KCNJ12: variants seen among roughly 807,000 people sequenced by gnomAD.
The protein encoded by KCNJ12 is ATP-sensitive inward rectifier potassium channel 12.
KCNJ12 carries 2 observed loss-of-function variants against 22.3 expected under a neutral mutation model. That is an observed-to-expected ratio of 0.09 (90% confidence interval 0.04 to 0.28). KCNJ12 has a LOEUF of 0.28. KCNJ12 is among the 10% of genes least tolerant of loss of function. The pLI is 1.00. For synonymous variants in KCNJ12, 117 were observed against 261.4 expected (o/e 0.45, Z 5.33); for missense variants, 155 against 633.3 (o/e 0.24, Z 8.11).
At chr17:21,401,522 G>A (rs1453843930) in intron 1 of KCNJ12, among the ~76,000 whole-genome samples, 2 of 152,218 alleles carry the variant, frequency 1.3e-5, no homozygotes, top group African/African-American at 4.8e-5. Flanking sequence ...CCACCCTGCT[G>A]TGAGCAGTTC....
At chr17:21,412,527 G>C (rs1906419929) in intron 2 of KCNJ12, among the ~76,000 whole-genome samples, 2 of 152,426 alleles carry the variant, frequency 1.3e-5, no homozygotes, top group South Asian at 4.1e-4. Context: ...GCCCCTGTCA[G>C]CTGGTGGCCT....
chr17:21,408,797 G>T (rs1906137241), intron 2 of KCNJ12, among the ~76,000 whole-genome samples, 157 bp downstream of exon 2: 1 of 141,678 alleles, frequency 7.1e-6, no homozygotes, highest in South Asian at 2.2e-4. Flanking sequence ...ACCCACCCAT[G>T]CCTCCACCCC....
intron 2 of KCNJ12, among the ~76,000 whole-genome samples, chr17:21,413,317 G>A (rs1439292352): frequency 1.7e-4 from 18 of 106,166 alleles, no homozygotes; most frequent in African/African-American, 5.3e-4. Flanking sequence ...CCCCTCCCTG[G>A]AGGGCTTGAG....
chr17:21,417,033 A>G lies in KCNJ12; in HGVS notation c.*389A>G. ...TTGCTGGTTTTTAACTTGGGGAGAA[A>G]CACCGGGTTTCAGCTTTCTTGACCT... On this transcript the variant is annotated 3_prime_UTR_variant, in exon 3 of 3. Transcript: ENST00000583088. 1 of 317,320 alleles carries G rather than the reference A, an allele frequency of 3.2e-6. No homozygotes were observed. The highest frequency in any genetic ancestry group is 9.3e-4 in the Middle Eastern group (1 of 1,074). 19.7% of individuals were successfully genotyped at this position (317,320 alleles called of 1,614,324 possible).
intron 1 of KCNJ12, among the ~76,000 whole-genome samples, chr17:21,379,477 C>T (rs1904789393): frequency 6.6e-6 from 1 of 152,210 alleles, no homozygotes; most frequent in Non-Finnish European, 1.5e-5. Flanking sequence ...TGGCTGGGCC[C>T]TGGCCAGGGC....
intron 1 of KCNJ12, among the ~76,000 whole-genome samples, chr17:21,394,488 C>T (rs888201791): frequency 3.3e-5 from 5 of 152,194 alleles, no homozygotes; most frequent in Non-Finnish European, 5.9e-5. Flanking sequence ...CATCGTTAAT[C>T]GAGGCATGAC....
chr17:21,379,152 C>T (rs1904776311), intron 1 of KCNJ12, among the ~76,000 whole-genome samples: 1 of 152,218 alleles, frequency 6.6e-6, no homozygotes, highest in Non-Finnish European at 1.5e-5. Flanking sequence ...ACAGGAGTAA[C>T]AGCAGCAGCA....
In KCNJ12 at chr17:21,419,864, T is replaced by C. The variant is rs1907055193; in HGVS notation, c.*3220T>C. The C allele has an allele frequency of 6.0e-6, 1 of 167,418 alleles. No homozygotes were observed. The allele number at this position is 167,418 out of a possible 1,614,324, so 10.4% of individuals were successfully genotyped here. A position where few individuals can be genotyped will look rare whatever the true frequency, so the allele number is the denominator to read the frequency against. On this transcript the variant is annotated 3_prime_UTR_variant, in exon 3 of 3. Transcript: ENST00000583088. ...AGACCACATTAAATGCATTTTGATC[T>C]CTTTGAGGTCCCCTGTGTTGAGATG...
chr17:21,378,771 G>T (rs1439691108), intron 1 of KCNJ12, among the ~76,000 whole-genome samples: 1 of 152,038 alleles, frequency 6.6e-6, no homozygotes, highest in African/African-American at 2.4e-5. Context: ...CAGCACTGAA[G>T]GGGGTGGAGC....
intron 1 of KCNJ12, among the ~76,000 whole-genome samples, chr17:21,393,098 C>G (rs190424495): frequency 1.3e-5 from 2 of 152,138 alleles, no homozygotes; most frequent in African/African-American, 4.8e-5. Context: ...CCTGCACGGC[C>G]GTACCGGCTC....
intron 1 of KCNJ12, among the ~76,000 whole-genome samples, chr17:21,404,259 C>T (rs1905801769): frequency 1.3e-5 from 2 of 152,302 alleles, no homozygotes; most frequent in Non-Finnish European, 2.9e-5. Context: ...GACTGCAGGA[C>T]TCTGGTGCTC....
At chr17:21,398,328 C>T (rs1356354834) in intron 1 of KCNJ12, among the ~76,000 whole-genome samples, 1 of 152,208 alleles carries the variant, frequency 6.6e-6, no homozygotes, top group Non-Finnish European at 1.5e-5. Context: ...TTCTCTGGTA[C>T]CCGAGGCCCT....
intron 2 of KCNJ12, among the ~76,000 whole-genome samples, chr17:21,409,053 C>A (rs1158539634): frequency 2.6e-5 from 4 of 152,310 alleles, no homozygotes; most frequent in African/African-American, 9.6e-5. Flanking sequence ...AGTCCTTCAC[C>A]CTTCATCTGG....
At chr17:21,402,530 C>T (rs1325957480) in intron 1 of KCNJ12, among the ~76,000 whole-genome samples, 3 of 152,308 alleles carry the variant, frequency 2.0e-5, no homozygotes, top group Non-Finnish European at 2.9e-5. Context: ...TGGGGCAGAG[C>T]GATAGGCTTT....
chr17:21,382,387 G>A (rs1904898274), intron 1 of KCNJ12, among the ~76,000 whole-genome samples: 1 of 152,160 alleles, frequency 6.6e-6, no homozygotes, highest in Admixed American at 6.5e-5. Context: ...GAGGGGATGG[G>A]GCTGGCAGGG....
Position 21,416,705 on chromosome 17 carries a change from A to G in KCNJ12, c.*61A>G, listed in dbSNP as rs1211368322. On this transcript the variant is annotated 3_prime_UTR_variant, in exon 3 of 3. Transcript: ENST00000583088. ...CTGGGGAGAGGCCCCGCGGTCGCTC[A>G]GGGGCCCCGGGTTTGAGCAGAACGG... 9 of 1,497,332 alleles carry G rather than the reference A, an allele frequency of 6.0e-6. No homozygotes were observed. Among genetic ancestry groups the G allele is most frequent in the Non-Finnish European group, 7.1e-6 (8 of 1,125,528 alleles). 92.8% of individuals were successfully genotyped at this position (1,497,332 alleles called of 1,614,324 possible).
chr17:21,383,829 G>T (rs976149643), intron 1 of KCNJ12, among the ~76,000 whole-genome samples: 4 of 152,204 alleles, frequency 2.6e-5, no homozygotes, highest in Non-Finnish European at 4.4e-5. Flanking sequence ...TGCCCTGGGG[G>T]GCTGACATCT....
intron 2 of KCNJ12, among the ~76,000 whole-genome samples, chr17:21,409,087 C>T (rs1906161590): frequency 1.3e-5 from 2 of 152,304 alleles, no homozygotes; most frequent in African/African-American, 4.8e-5. Flanking sequence ...CCTGGGTGCC[C>T]CTCTTTGCTA....
chr17:21,382,955 G>T (rs1555558170), intron 1 of KCNJ12, among the ~76,000 whole-genome samples: 1 of 152,252 alleles, frequency 6.6e-6, no homozygotes, highest in Non-Finnish European at 1.5e-5. Context: ...TGAGGCCAGA[G>T]AGGGTCCCCA....
Sources: allele counts gnomAD v4.1 joint callset (sites outside exome capture counted in the v4.1 genomes callset), GRCh38; gene constraint gnomAD v4.1.1; transcripts MANE v1.5; gene names NCBI Gene and HGNC (gene_info 2026-07-23, HGNC 2026-07-21).